Variants in PTPRO observed in about 807,000 individuals in gnomAD.
PTPRO encodes the protein receptor-type tyrosine-protein phosphatase O.
PTPRO carries 62 observed loss-of-function variants against 145.2 expected under a neutral mutation model. The ratio of observed to expected loss-of-function variants is 0.43; its 90% confidence interval spans 0.35 to 0.53. The LOEUF (loss-of-function observed/expected upper bound fraction) is 0.53. Ranked by LOEUF, PTPRO falls within the 20% of genes least tolerant of loss-of-function variation. PTPRO has a pLI of 0.01. For missense variants in PTPRO, 1,345 were observed against 1,482.7 expected (o/e 0.91, Z 1.53); for synonymous variants, 565 against 514.7 (o/e 1.10, Z -1.32).
At chr12:15,424,877 G>A (rs898069845) in intron 1 of PTPRO, among the ~76,000 whole-genome samples, 14 of 152,100 alleles carry the variant, frequency 9.2e-5, no homozygotes, top group African/African-American at 2.7e-4. Flanking sequence ...TGTGCAGGTC[G>A]TGAAGTCAGA....
intron 11 of PTPRO, among the ~76,000 whole-genome samples, 187 bp from the exon 12 acceptor site, chr12:15,525,955 T>C (rs1565685035): frequency 6.6e-6 from 1 of 152,200 alleles, no homozygotes; most frequent in Admixed American, 6.5e-5. Flanking sequence ...TAAGGCTACC[T>C]CACATTGGGC....
chr12:15,514,979 G>T (rs1179704179), intron 7 of PTPRO, among the ~76,000 whole-genome samples: 1 of 151,600 alleles, frequency 6.6e-6, no homozygotes, highest in African/African-American at 2.4e-5. Context: ...TCGTCAGGCT[G>T]GTCTTGAACT....
intron 7 of PTPRO, among the ~76,000 whole-genome samples, chr12:15,510,018 C>T (rs1942406850): frequency 6.6e-6 from 1 of 152,150 alleles, no homozygotes. Flanking sequence ...GTCTTACAAA[C>T]ACATTTTCTT....
rs1262164500 is a variant in PTPRO at position 15,322,753 on chromosome 12, C to G, written c.27C>G (p.His9Gln). 5.0e-6 allele frequency: 8 copies of G among 1,611,920 alleles called. No homozygotes were observed. Among genetic ancestry groups the G allele is most frequent in the Non-Finnish European group, 6.8e-6 (8 of 1,179,382 alleles). The change falls in exon 1 of 27, where the codon CAC (histidine) becomes CAG (glutamine). Residue 9 changes from histidine to glutamine, a missense_variant. This residue lies in a region of PTPRO where 1,130 missense variants were observed against 1,214.7 expected (regional missense o/e 0.93). Transcript: ENST00000281171. The surrounding 1 kb of genome is among the most constrained non-coding windows in gnomAD (Gnocchi z 6.3). ...TGGGGCACCTGCCCACGGGGATACACGGCGCCCGCCGCCTCCTGCCTCTGC... is the reference window on the plus strand; with the variant it reads ...TGGGGCACCTGCCCACGGGGATACAGGGCGCCCGCCGCCTCCTGCCTCTGC... MGHLPTGI[H>Q]GARRLLPLLW...
chr12:15,497,263 G>A lies in PTPRO; in HGVS notation c.368G>A (p.Ser123Asn), dbSNP rs575611533. The A allele has an allele frequency of 5.1e-6, 8 of 1,575,640 alleles. No homozygotes were observed. Among genetic ancestry groups the A allele is most frequent in the Admixed American group, 1.7e-5 (1 of 59,950 alleles). Residue 123 changes from serine (S) to asparagine (N), a missense_variant, in exon 3 of 27, where the codon AGT becomes AAT. Physicochemically the swap from Ser to Asn is conservative, Grantham distance 46 (BLOSUM62 1). Coordinates refer to ENST00000281171, the MANE Select transcript of PTPRO (RefSeq NM_030667.3). Reference sequence around the variant, plus strand: ...TCTGTAGAACCTCTACCTGTAACCAGTGTTTCCATATATGACTATAAACCT... The same window carrying A: ...TCTGTAGAACCTCTACCTGTAACCAATGTTTCCATATATGACTATAAACCT... ...TVLTKPLPVT[S>N]VSIYDYKPSP...
chr12:15,444,432 C>T (rs2136365702), intron 1 of PTPRO, among the ~76,000 whole-genome samples: 1 of 152,140 alleles, frequency 6.6e-6, no homozygotes, highest in South Asian at 2.1e-4. Context: ...CAAACCTCAG[C>T]ATCACACAAT....
At chr12:15,539,271 A>G (rs1943129276) in intron 12 of PTPRO, among the ~76,000 whole-genome samples, 1 of 152,226 alleles carries the variant, frequency 6.6e-6, no homozygotes, top group Non-Finnish European at 1.5e-5. Flanking sequence ...CAATCTATGC[A>G]TGTAACGAAA....
At chr12:15,402,129 C>T (rs1229609239) in intron 1 of PTPRO, among the ~76,000 whole-genome samples, 10 of 152,106 alleles carry the variant, frequency 6.6e-5, no homozygotes, top group Non-Finnish European at 1.2e-4. Flanking sequence ...GTGGCTCATG[C>T]CTGTAATCCC....
intron 1 of PTPRO, among the ~76,000 whole-genome samples, chr12:15,352,207 C>T (rs1394428289): frequency 6.6e-6 from 1 of 152,190 alleles, no homozygotes; most frequent in Non-Finnish European, 1.5e-5. Context: ...TACACTTGAC[C>T]AGCCATCATT....
intron 1 of PTPRO, among the ~76,000 whole-genome samples, chr12:15,366,366 A>G (rs907309022): frequency 3.9e-5 from 6 of 152,046 alleles, no homozygotes; most frequent in Non-Finnish European, 7.4e-5. Flanking sequence ...GAGGGGGGGA[A>G]AATTGTAATG....
At chr12:15,450,168 T>C (rs973487268) in intron 1 of PTPRO, among the ~76,000 whole-genome samples, 4 of 152,242 alleles carry the variant, frequency 2.6e-5, no homozygotes, top group Non-Finnish European at 5.9e-5. Flanking sequence ...CCTACAGCCC[T>C]ATGGCAGTGG....
chr12:15,549,833 C>T (rs745725308), intron 14 of PTPRO, among the ~76,000 whole-genome samples: 1 of 152,186 alleles, frequency 6.6e-6, no homozygotes, highest in Non-Finnish European at 1.5e-5. Flanking sequence ...CATAACTTCA[C>T]TGGTTTAGTT....
intron 1 of PTPRO, chr12:15,440,167 G>T (rs758508556): frequency 1.2e-4 from 84 of 683,826 alleles, no homozygotes; most frequent in Non-Finnish European, 1.9e-4. Context: ...AGCTGCTCAT[G>T]ATGGCTGGTA....
intron 1 of PTPRO, among the ~76,000 whole-genome samples, chr12:15,353,464 T>C (rs1937879035): frequency 6.6e-6 from 1 of 151,076 alleles, no homozygotes. Context: ...CCTTTACAGA[T>C]TTTTTTAACA....
intron 12 of PTPRO, among the ~76,000 whole-genome samples, chr12:15,538,633 T>C (rs1486433182): frequency 6.6e-6 from 1 of 152,240 alleles, no homozygotes; most frequent in African/African-American, 2.4e-5. Flanking sequence ...GAGGGACACA[T>C]AGGGCAATGA....
chr12:15,424,968 T>C (rs998921697), intron 1 of PTPRO, among the ~76,000 whole-genome samples: 21 of 152,248 alleles, frequency 1.4e-4, no homozygotes, highest in East Asian at 3.9e-4. Flanking sequence ...AAAGCTGCAG[T>C]TATTTCACCG....
intron 1 of PTPRO, among the ~76,000 whole-genome samples, chr12:15,403,414 C>T (rs893824582): frequency 6.6e-6 from 1 of 152,076 alleles, no homozygotes; most frequent in African/African-American, 2.4e-5. Flanking sequence ...GAAACTCCGT[C>T]TCTAGTAAAA....
intron 2 of PTPRO, among the ~76,000 whole-genome samples, chr12:15,492,394 G>A (rs1224669398): frequency 6.6e-6 from 1 of 152,008 alleles, no homozygotes; most frequent in East Asian, 1.9e-4. Flanking sequence ...TCCAGTTTTT[G>A]AAACCAGGGA....
chr12:15,557,421 C>T, intron 15 of PTPRO, 34 bp from the exon 16 acceptor site: 2 of 1,567,406 alleles, frequency 1.3e-6, no homozygotes, highest in African/African-American at 1.4e-5. Flanking sequence ...CTTTGTCAAG[C>T]AGTAACCTTG....
Sources: allele counts gnomAD v4.1 joint callset (sites outside exome capture counted in the v4.1 genomes callset), GRCh38; gene constraint gnomAD v4.1.1; regional missense constraint gnomAD v4.1.1; non-coding constraint Gnocchi (gnomAD v3.1); transcripts MANE v1.5; gene names NCBI Gene and HGNC (gene_info 2026-07-23, HGNC 2026-07-21).